The following OR1J2 variants were observed in gnomAD, a reference collection of about 807,000 sequenced individuals.
The protein encoded by OR1J2 is olfactory receptor 1J2.
For missense variants in OR1J2, 304 were observed against 246.1 expected, an observed-to-expected ratio of 1.24 and a Z score of -1.57; for synonymous variants, 142 against 99.7, an observed-to-expected ratio of 1.42 and a Z score of -2.52.
the OR1J2 span, among the ~76,000 whole-genome samples, chr9:122,539,800 C>T: frequency 6.6e-5 from 10 of 152,190 alleles, no homozygotes; most frequent in East Asian, 3.9e-4. Flanking sequence ...TTTTAATGAT[C>T]GCCATTCTAA....
At chr9:122,520,012 G>A in the OR1J2 span, 5 of 1,614,028 alleles carry the variant, frequency 3.1e-6, no homozygotes, top group Non-Finnish European at 4.2e-6. Flanking sequence ...TTCATTTATA[G>A]CCTAAGGAAC....
the OR1J2 span, among the ~76,000 whole-genome samples, chr9:122,457,946 A>G: frequency 3.9e-5 from 6 of 152,250 alleles, no homozygotes; most frequent in East Asian, 5.8e-4. Flanking sequence ...AATTTTTCTT[A>G]TACTTAAGAC....
chr9:122,476,944 G>A, the OR1J2 span: 5 of 1,092,748 alleles, frequency 4.6e-6, no homozygotes, highest in East Asian at 1.2e-4. Flanking sequence ...CTGATCTCAG[G>A]TGATCCGTCT....
At chr9:122,475,904 A>T in the OR1J2 span, 1 of 152,196 alleles carries the variant, frequency 6.6e-6, no homozygotes, top group Non-Finnish European at 1.5e-5. Context: ...ACAGTGTTCC[A>T]TGTAAACTAT....
chr9:122,469,884 G>C, the OR1J2 span, among the ~76,000 whole-genome samples: 1 of 152,160 alleles, frequency 6.6e-6, no homozygotes, highest in Non-Finnish European at 1.5e-5. Flanking sequence ...GAATTTGAGA[G>C]AGATGATTTA....
At chr9:122,485,454 G>A in the OR1J2 span, among the ~76,000 whole-genome samples, 2 of 152,292 alleles carry the variant, frequency 1.3e-5, no homozygotes, top group Middle Eastern at 6.8e-3. Context: ...CCATTCTTCA[G>A]ATTATCTGGG....
the OR1J2 span, among the ~76,000 whole-genome samples, chr9:122,473,431 G>C: frequency 1.3e-5 from 2 of 152,162 alleles, no homozygotes; most frequent in Non-Finnish European, 2.9e-5. Flanking sequence ...AAGAAAACTT[G>C]TTGGGACTGA....
At position 122,511,447 on chromosome 9, in the gene OR1J2, G is replaced by GTA. The variant is rs777178879; in HGVS notation, c.648_649dup (p.Ser217TyrfsTer11). On this transcript the variant is annotated frameshift_variant, in exon 1 of 1. Transcript: ENST00000335302. LOFTEE classifies it low-confidence loss of function (END_TRUNC). Reference sequence around the variant, plus strand: ...TACCCTGCCATTCATGTGTATCCTGGTATCATATGGCTACATTGGGGCCAC... The same window carrying GTA: ...TACCCTGCCATTCATGTGTATCCTGGTATATCATATGGCTACATTGGGGCCAC... 5.1e-6 allele frequency: 4 copies of GTA among 778,680 alleles called. No homozygotes were observed. The highest frequency in any genetic ancestry group is 2.3e-4 in the Middle Eastern group (1 of 4,426). 48.2% of individuals were successfully genotyped at this position (778,680 alleles called of 1,614,324 possible).
chr9:122,572,086 G>T, the OR1J2 span, among the ~76,000 whole-genome samples: 3 of 152,158 alleles, frequency 2.0e-5, no homozygotes, highest in Admixed American at 6.5e-5. Flanking sequence ...GAGGTGGGGG[G>T]AGGCGCTACA....
At chr9:122,564,315 G>A in the OR1J2 span, among the ~76,000 whole-genome samples, 1 of 152,132 alleles carries the variant, frequency 6.6e-6, no homozygotes, top group Non-Finnish European at 1.5e-5. Context: ...TGCAACTGTG[G>A]TTATTTCTCC....
At chr9:122,457,407 A>G in the OR1J2 span, among the ~76,000 whole-genome samples, 1 of 152,190 alleles carries the variant, frequency 6.6e-6, no homozygotes, top group Non-Finnish European at 1.5e-5. Flanking sequence ...TCACTAATCA[A>G]AGAAACTACT....
the OR1J2 span, among the ~76,000 whole-genome samples, chr9:122,545,010 G>A: frequency 1.3e-5 from 2 of 151,884 alleles, no homozygotes; most frequent in African/African-American, 2.4e-5. Flanking sequence ...CTTTAGCTGC[G>A]TTTCCAACAT....
the OR1J2 span, among the ~76,000 whole-genome samples, chr9:122,540,080 A>T: frequency 3.3e-5 from 5 of 152,110 alleles, no homozygotes; most frequent in East Asian, 9.7e-4. Context: ...GTTCACTCTG[A>T]TGGTAGTTTC....
the OR1J2 span, among the ~76,000 whole-genome samples, chr9:122,476,796 C>T: frequency 3.7e-4 from 57 of 152,108 alleles, no homozygotes; most frequent in Non-Finnish European, 7.4e-4. Flanking sequence ...ACCTCCGCCT[C>T]CTGGGTTCAA....
the OR1J2 span, chr9:122,568,460 G>A: frequency 0.56 from 897,639 of 1,589,224 alleles, 259,604 homozygotes; most frequent in East Asian, 0.98. Context: ...CACTGCTGGT[G>A]TGGTTGATTC....
At chr9:122,545,042 T>A in the OR1J2 span, among the ~76,000 whole-genome samples, 1 of 152,180 alleles carries the variant, frequency 6.6e-6, no homozygotes, top group Non-Finnish European at 1.5e-5. Context: ...ATTTTTAATA[T>A]AATTCATCTC....
At chr9:122,562,699 G>A in the OR1J2 span, among the ~76,000 whole-genome samples, 5 of 152,220 alleles carry the variant, frequency 3.3e-5, no homozygotes, top group East Asian at 7.7e-4. Flanking sequence ...TGCAGGGTTC[G>A]CATGCTGTTT....
In OR1J2 at chr9:122,511,563, A is replaced by G. The variant is rs1828638087; in HGVS notation, c.762A>G (p.Ser254=). 2 of 781,034 alleles carry G rather than the reference A, an allele frequency of 2.6e-6. No homozygotes were observed. Among genetic ancestry groups the G allele is most frequent in the Non-Finnish European group, 4.8e-6 (2 of 418,128 alleles). The allele number at this position is 781,034 out of a possible 1,614,324, so 48.4% of individuals were successfully genotyped here. A position where few individuals can be genotyped will look rare whatever the true frequency, so the allele number is the denominator to read the frequency against. ...HLSVVSLYYG[S]IFGQYLFPTV... is the part of the protein sequence containing the mutation. ...CTGTGGTGTCTCTCTATTATGGGTC[A>G]ATATTTGGCCAGTACCTTTTCCCGA... The change falls in exon 1 of 1, where the codon TCA becomes TCG. Residue 254 remains serine (S), a synonymous_variant. Transcript: ENST00000335302.
the OR1J2 span, among the ~76,000 whole-genome samples, chr9:122,451,474 C>T: frequency 6.6e-6 from 1 of 152,092 alleles, no homozygotes; most frequent in Admixed American, 6.6e-5. Context: ...CGTGAGCCAC[C>T]ATGCCTGGCC....
Sources: allele counts gnomAD v4.1 joint callset (sites outside exome capture counted in the v4.1 genomes callset), GRCh38; gene constraint gnomAD v4.1.1; transcripts MANE v1.5; gene names NCBI Gene and HGNC (gene_info 2026-07-23, HGNC 2026-07-21).